The following PLCZ1 variants were observed in gnomAD, a reference collection of about 807,000 sequenced individuals.
The protein encoded by PLCZ1 is 1-phosphatidylinositol 4,5-bisphosphate phosphodiesterase zeta-1.
A neutral mutation model predicts 76.8 loss-of-function variants in PLCZ1; 64 were observed. The observed-to-expected ratio is 0.83, with a 90% CI of 0.68 to 1.03. PLCZ1 has a LOEUF of 1.03. Among genes scored for constraint, PLCZ1 ranks in the 50% least tolerant of loss-of-function variants. PLCZ1 has a pLI of 0.00. For synonymous variants in PLCZ1, 248 were observed against 230.8 expected, an observed-to-expected ratio of 1.07 and a Z score of -0.68; for missense variants, 751 against 713.7, an observed-to-expected ratio of 1.05 and a Z score of -0.60.
intron 6 of PLCZ1, among the ~76,000 whole-genome samples, chr12:18,708,574 G>A (rs1004205663): frequency 6.6e-6 from 1 of 152,066 alleles, no homozygotes; most frequent in African/African-American, 2.4e-5. Flanking sequence ...TATTTCTTTA[G>A]AAACCTCCAT....
At chr12:18,728,054 A>G (rs1023840292) in intron 3 of PLCZ1, among the ~76,000 whole-genome samples, 1 of 152,206 alleles carries the variant, frequency 6.6e-6, no homozygotes, top group African/African-American at 2.4e-5. Flanking sequence ...AGGAGGAAAG[A>G]CAGTTTAAGA....
chr12:18,683,650 T>A lies in PLCZ1; in HGVS notation c.1742-326A>T, dbSNP rs769211662. On this transcript the variant is annotated intron_variant, in intron 14 of 14. Transcript: ENST00000266505. ...TCAGATGCTGTTAGAAAAGTAAGCA[T>A]ATTGAGACAAGGTAATTGGGAGCAC... is the stretch of plus-strand genomic sequence containing the variant. 24 of 1,342,046 alleles carry A rather than the reference T, an allele frequency of 1.8e-5. No homozygotes were observed. The South Asian group carries it at 2.7e-4, about 15-fold the overall frequency. 83.1% of individuals were successfully genotyped at this position (1,342,046 alleles called of 1,614,324 possible).
chr12:18,731,380 A>G (rs10841079), intron 3 of PLCZ1, among the ~76,000 whole-genome samples: 2,345 of 152,196 alleles, frequency 0.015, 35 homozygotes, highest in Non-Finnish European at 0.027. Flanking sequence ...TAAAAGGCCC[A>G]GGTTCCTTAA....
chr12:18,718,922 A>G (rs1958265759), intron 5 of PLCZ1, among the ~76,000 whole-genome samples: 1 of 152,208 alleles, frequency 6.6e-6, no homozygotes, highest in African/African-American at 2.4e-5. Context: ...TCAGCAATGC[A>G]ATGTGGATTA....
chr12:18,651,505 G>A, the PLCZ1 span, among the ~76,000 whole-genome samples: 1 of 152,136 alleles, frequency 6.6e-6, no homozygotes, highest in Non-Finnish European at 1.5e-5. Context: ...CTATCAGGAA[G>A]TTTAGTTCAC....
chr12:18,696,346 A>ATATG (rs1373335315), intron 10 of PLCZ1, 80 bp from the exon 11 acceptor site: 1 of 198,256 alleles, frequency 5.0e-6, no homozygotes, highest in Non-Finnish European at 8.9e-6. Context: ...ATATATATAT[A>ATATG]TATATCATAT....
chr12:18,705,439 T>C (rs1367522510), intron 6 of PLCZ1, 124 bp from the exon 7 acceptor site: 13 of 1,133,292 alleles, frequency 1.1e-5, no homozygotes, highest in Non-Finnish European at 5.1e-6. Context: ...GCAAAATAAC[T>C]ATTCTTTAAA....
downstream of PLCZ1, among the ~76,000 whole-genome samples, chr12:18,682,573 T>C (rs1565639773): frequency 6.6e-6 from 1 of 152,012 alleles, no homozygotes; most frequent in Non-Finnish European, 1.5e-5. Flanking sequence ...AAAGTATATT[T>C]AGTATAGATT....
At position 18,699,828 on chromosome 12, in the gene PLCZ1, C is replaced by A; in HGVS notation, c.1140G>T (p.Gly380=). The A allele has an allele frequency of 6.2e-7, 1 of 1,613,322 alleles. No homozygotes were observed. Among genetic ancestry groups the A allele is most frequent in the Non-Finnish European group, 8.5e-7 (1 of 1,179,688 alleles). The change falls in exon 10 of 15, where the codon GGG becomes GGT. Residue 380 remains glycine (G), a synonymous_variant. Transcript: ENST00000266505. The part of the protein sequence containing the change: ...YQQFNENNSI[G]ETQARKLSKL... ...TTGAAAGTTTTCGGGCTTGTGTCTC[C>A]CCAATAGAATTATTTTCATTAAATT...
intron 3 of PLCZ1, among the ~76,000 whole-genome samples, chr12:18,726,834 A>G (rs1958776894): frequency 6.6e-6 from 1 of 152,154 alleles, no homozygotes; most frequent in Non-Finnish European, 1.5e-5. Flanking sequence ...AGGAAATGAT[A>G]TGACTTGCCA....
chr12:18,716,264 CA>C (rs1397766531), intron 5 of PLCZ1, among the ~76,000 whole-genome samples: 4 of 151,972 alleles, frequency 2.6e-5, no homozygotes, highest in Admixed American at 6.6e-5. Flanking sequence ...AAAAAACCAC[CA>C]AGAACTATAT....
At chr12:18,662,341 C>G in the PLCZ1 span, among the ~76,000 whole-genome samples, 1 of 151,506 alleles carries the variant, frequency 6.6e-6, no homozygotes. Context: ...TTAAAAAACA[C>G]AAAATTGAGG....
chr12:18,678,065 T>C, the PLCZ1 span, among the ~76,000 whole-genome samples: 6 of 152,106 alleles, frequency 3.9e-5, no homozygotes, highest in African/African-American at 1.4e-4. Flanking sequence ...TTGCTATAAA[T>C]ATTATGCAAA....
At chr12:18,706,215 G>A (rs1956596514) in intron 6 of PLCZ1, among the ~76,000 whole-genome samples, 1 of 151,132 alleles carries the variant, frequency 6.6e-6, no homozygotes, top group Admixed American at 6.6e-5. Flanking sequence ...CTGGGTGACG[G>A]AATGAGACTC....
chr12:18,682,396 G>C (rs889719086), downstream of PLCZ1, among the ~76,000 whole-genome samples: 3 of 151,766 alleles, frequency 2.0e-5, no homozygotes, highest in Non-Finnish European at 4.4e-5. Context: ...CTTTGTGCTG[G>C]GTGCTTTCAC....
chr12:18,647,911 T>C, the PLCZ1 span: 1 of 1,590,432 alleles, frequency 6.3e-7, no homozygotes, highest in East Asian at 2.3e-5. Context: ...TCCAAGGACA[T>C]GTCTTAATGC....
the PLCZ1 span, among the ~76,000 whole-genome samples, chr12:18,665,316 G>A: frequency 1.1e-4 from 16 of 151,990 alleles, 1 homozygote; most frequent in Non-Finnish European, 2.9e-5. Flanking sequence ...ATTAGTGGTA[G>A]TTGTAGAATG....
chr12:18,679,731 G>A (rs932616038), downstream of PLCZ1, among the ~76,000 whole-genome samples: 3 of 151,972 alleles, frequency 2.0e-5, no homozygotes, highest in South Asian at 2.1e-4. Flanking sequence ...ACTGCCCTGC[G>A]AGAAGAATGG....
chr12:18,722,507 T>G (rs1262905934), intron 4 of PLCZ1, among the ~76,000 whole-genome samples: 1 of 152,080 alleles, frequency 6.6e-6, no homozygotes, highest in Non-Finnish European at 1.5e-5. Context: ...ACTAGAACTT[T>G]CATACGCCCC....
Sources: allele counts gnomAD v4.1 joint callset (sites outside exome capture counted in the v4.1 genomes callset), GRCh38; gene constraint gnomAD v4.1.1; transcripts MANE v1.5; gene names NCBI Gene and HGNC (gene_info 2026-07-23, HGNC 2026-07-21).